The following MCM9 variants were observed in gnomAD, a reference collection of about 807,000 sequenced individuals.
The protein encoded by MCM9 is minichromosome maintenance 9 homologous recombination repair factor.
MCM9 carries 55 observed loss-of-function variants against 72.8 expected under a neutral mutation model. The observed-to-expected ratio is 0.76, with a 90% CI of 0.61 to 0.95. MCM9 has a LOEUF of 0.95. Ranked by LOEUF, MCM9 falls within the 40% of genes least tolerant of loss-of-function variation. MCM9 has a pLI of 0.00. For synonymous variants in MCM9, 480 were observed against 503.4 expected (o/e 0.95, Z 0.62); for missense variants, 1,279 against 1,377.0 (o/e 0.93, Z 1.13).
At chr6:118,824,144 C>T (rs1013481921) in intron 13 of MCM9, among the ~76,000 whole-genome samples, 13 of 142,198 alleles carry the variant, frequency 9.1e-5, no homozygotes, top group Admixed American at 4.5e-4. Context: ...CTCTGCCCCC[C>T]GGGGCAAACC....
At chr6:118,907,743 A>C in intron 8 of MCM9, 1 of 692,382 alleles carries the variant, frequency 1.4e-6, no homozygotes, top group South Asian at 2.3e-5. Flanking sequence ...TAGAAAGTTT[A>C]TAAGAAAACC....
intron 9 of MCM9, among the ~76,000 whole-genome samples, chr6:118,853,916 T>C (rs145158414): frequency 0.014 from 2,120 of 152,304 alleles, 41 homozygotes; most frequent in African/African-American, 0.049. Flanking sequence ...ATTTAAGTCC[T>C]TTTTAATTTT....
At chr6:118,818,424 A>G (rs891948384) in intron 13 of MCM9, among the ~76,000 whole-genome samples, 3 of 152,200 alleles carry the variant, frequency 2.0e-5, no homozygotes, top group African/African-American at 7.2e-5. Flanking sequence ...GGTCTGTGGA[A>G]GATCAGATGG....
chr6:118,826,109 T>C lies in MCM9; in HGVS notation c.1961+38A>G, dbSNP rs763627184. On this transcript the variant is annotated intron_variant, in intron 13 of 13. Transcript: ENST00000619706. ...TGTTTCACTAAATGCCAAACAAGGATTTTCCATTGTATGCCTTTCTGGGTT... is the reference window on the plus strand; with the variant it reads ...TGTTTCACTAAATGCCAAACAAGGACTTTCCATTGTATGCCTTTCTGGGTT... 2.4e-5 allele frequency: 36 copies of C among 1,528,422 alleles called. No individual in the cohort carries two copies. The Middle Eastern group carries it at 5.1e-4, about 22-fold the overall frequency. The allele number at this position is 1,528,422 out of a possible 1,614,324, so 94.7% of individuals were successfully genotyped here.
intron 13 of MCM9, among the ~76,000 whole-genome samples, chr6:118,825,006 T>C (rs773755537): frequency 6.6e-6 from 1 of 152,218 alleles, no homozygotes; most frequent in Non-Finnish European, 1.5e-5. Context: ...ATTTTAAATT[T>C]GGGAAGTCTA....
rs1209110349 is a variant in MCM9 at position 118,814,223 on chromosome 6, A to T, written c.*601T>A. On this transcript the variant is annotated 3_prime_UTR_variant, in exon 14 of 14. Transcript: ENST00000619706. ...TTTGACCAGTGGCCAGATCTCTAAG[A>T]ACATCATGGAATTGTAAGGATACCT... 2.0e-5 allele frequency: 3 copies of T among 152,152 alleles called. No homozygotes were observed. Among genetic ancestry groups the T allele is most frequent in the South Asian group, 4.1e-4 (2 of 4,830 alleles). 9.4% of individuals were successfully genotyped at this position (152,152 alleles called of 1,614,324 possible). A position where few individuals can be genotyped will look rare whatever the true frequency, so the allele number is the denominator to read the frequency against.
chr6:118,839,705 C>G lies in MCM9; in HGVS notation c.1326-10455G>C, dbSNP rs546100182. Among the ~76,000 whole-genome samples, 156 of 152,314 alleles carry G rather than the reference C, an allele frequency of 1.0e-3. 3 individuals are homozygous for G. The highest frequency in any genetic ancestry group is 5.9e-3 in the Admixed American group (90 of 15,300). On this transcript the variant is annotated intron_variant, in intron 9 of 13. Transcript: ENST00000619706. The stretch of plus-strand genomic sequence containing the variant: ...TCTGCTGCAGGTCTGCTGGCGTTTG[C>G]TGGAGGTCCACTCCAGACCCTGTTT...
At chr6:118,872,194 C>T (rs1583493350) in intron 8 of MCM9, among the ~76,000 whole-genome samples, 1 of 151,856 alleles carries the variant, frequency 6.6e-6, no homozygotes, top group East Asian at 1.9e-4. Context: ...TGGTGGGCGC[C>T]TGTAGTCCCA....
At chr6:118,833,149 G>C (rs991126694) in intron 9 of MCM9, among the ~76,000 whole-genome samples, 1 of 152,122 alleles carries the variant, frequency 6.6e-6, no homozygotes, top group African/African-American at 2.4e-5. Flanking sequence ...TGTCGGAGCA[G>C]AGCACACCAC....
intron 8 of MCM9, among the ~76,000 whole-genome samples, chr6:118,904,101 G>T (rs956112597): frequency 5.1e-5 from 4 of 78,824 alleles, no homozygotes; most frequent in Admixed American, 2.1e-4. Context: ...CAAAGAGAAA[G>T]AACATATCTG....
At chr6:118,838,159 C>CT (rs759862698) in intron 9 of MCM9, among the ~76,000 whole-genome samples, 12,943 of 119,686 alleles carry the variant, frequency 0.11, 1,245 homozygotes, top group African/African-American at 0.23. Context: ...GTTGAAAATT[C>CT]TTTTTTTTTT....
At chr6:118,895,360 A>C (rs1779321002) in intron 8 of MCM9, among the ~76,000 whole-genome samples, 1 of 152,208 alleles carries the variant, frequency 6.6e-6, no homozygotes, top group African/African-American at 2.4e-5. Flanking sequence ...GAAGAGAAAT[A>C]GAGCTGAGGT....
chr6:118,931,508 T>C lies in MCM9; in HGVS notation c.216A>G (p.Ala72=), dbSNP rs768666305. Residue 72 remains alanine (A), a synonymous_variant, in exon 3 of 14, where the codon GCA becomes GCG. Transcript: ENST00000619706. Reference sequence around the variant, plus strand: ...GAATTGTCAAGGCTGACCTTCGCAGTGCACTATCAAAAATTGTAAGCACTT... The same window carrying C: ...GAATTGTCAAGGCTGACCTTCGCAGCGCACTATCAAAAATTGTAAGCACTT... ...PSEVLTIFDS[A]LRRSALTILQ... 1 of 1,614,182 alleles carries C rather than the reference T, an allele frequency of 6.2e-7. No individual in the cohort carries two copies. The highest frequency in any genetic ancestry group is 8.5e-7 in the Non-Finnish European group (1 of 1,180,026).
At chr6:118,929,037 T>C (rs1335628734) in intron 3 of MCM9, among the ~76,000 whole-genome samples, 1 of 151,786 alleles carries the variant, frequency 6.6e-6, no homozygotes, top group East Asian at 1.9e-4. Context: ...CTGAGCAACA[T>C]GGCAAAACTC....
In MCM9 at chr6:118,933,348, C is replaced by CA. The variant is rs1186902971; in HGVS notation, c.-149-609dup. Among the ~76,000 whole-genome samples, 4 of 151,322 alleles carry CA rather than the reference C, an allele frequency of 2.6e-5. 1 individual carries two copies. Among genetic ancestry groups the CA allele is most frequent in the Non-Finnish European group, 4.4e-5 (3 of 67,806 alleles). On this transcript the variant is annotated intron_variant, in intron 1 of 13. Coordinates refer to ENST00000619706, the MANE Select transcript of MCM9 (RefSeq NM_017696.3). Reference sequence around the variant, plus strand: ...TCCCGTTCTCTACTAAAAAAAAATACAAAAAAAATTAGCTGGGCGTGGTGG... The same window carrying CA: ...TCCCGTTCTCTACTAAAAAAAAATACAAAAAAAAATTAGCTGGGCGTGGTGG...
chr6:118,884,505 AT>A (rs979589261), intron 8 of MCM9, among the ~76,000 whole-genome samples: 1 of 152,132 alleles, frequency 6.6e-6, no homozygotes, highest in African/African-American at 2.4e-5. Flanking sequence ...TAAAAAAGGA[AT>A]TTAAAAAAAA....
intron 9 of MCM9, among the ~76,000 whole-genome samples, chr6:118,839,179 T>A (rs1236144263): frequency 6.6e-6 from 1 of 151,904 alleles, no homozygotes; most frequent in Admixed American, 6.6e-5. Flanking sequence ...AAGTTGATCT[T>A]CAATCTCTGA....
At chr6:118,894,172 C>A in intron 8 of MCM9, 1 of 1,276,370 alleles carries the variant, frequency 7.8e-7, no homozygotes, top group Non-Finnish European at 9.9e-7. Flanking sequence ...TGCAGCCAAT[C>A]GAGGGCAACG....
Position 118,896,915 on chromosome 6 carries a change from C to T in MCM9, c.1150+14735G>A, listed in dbSNP as rs546273826. ...TACAGTGGTGCAAACACAGCTGCTCCCTGCAGCCTCAACCTGGGCTTAAGC... is the reference window on the plus strand; with the variant it reads ...TACAGTGGTGCAAACACAGCTGCTCTCTGCAGCCTCAACCTGGGCTTAAGC... On this transcript the variant is annotated intron_variant, in intron 8 of 13. Transcript: ENST00000619706. Among the ~76,000 whole-genome samples the T allele has an allele frequency of 4.6e-5, 7 of 152,194 alleles. No homozygotes were observed. In the South Asian group the frequency reaches 1.5e-3, roughly 32 times the overall value.
Sources: allele counts gnomAD v4.1 joint callset (sites outside exome capture counted in the v4.1 genomes callset), GRCh38; gene constraint gnomAD v4.1.1; transcripts MANE v1.5; gene names NCBI Gene and HGNC (gene_info 2026-07-23, HGNC 2026-07-21).